The following MDGA2 variants were observed in gnomAD, a reference collection of about 807,000 sequenced individuals.
MDGA2 encodes the protein MAM domain containing glycosylphosphatidylinositol anchor 2.
A neutral mutation model predicts 117.8 loss-of-function variants in MDGA2; 40 were observed. That is an observed-to-expected ratio of 0.34 (90% CI 0.26 to 0.44). The LOEUF is 0.44. Ranked by LOEUF, MDGA2 falls within the 20% of genes least tolerant of loss-of-function variation. The pLI is 1.00. For synonymous variants in MDGA2, 452 were observed against 439.0 expected (o/e 1.03, Z -0.37); for missense variants, 1,123 against 1,250.6 (o/e 0.90, Z 1.54).
At chr14:47,415,372 A>T (rs1193280397) in intron 1 of MDGA2, among the ~76,000 whole-genome samples, 2 of 152,140 alleles carry the variant, frequency 1.3e-5, no homozygotes, top group African/African-American at 2.4e-5. Flanking sequence ...ATATCTACAC[A>T]TATTCACAAG....
intron 6 of MDGA2, among the ~76,000 whole-genome samples, chr14:47,092,095 T>A (rs1879691903): frequency 6.6e-6 from 1 of 152,196 alleles, no homozygotes; most frequent in Admixed American, 6.5e-5. Context: ...AAAGAGGGGC[T>A]ACAGTGGAAA....
At chr14:46,862,418 TTATAA>T (rs1455309403) in intron 14 of MDGA2, among the ~76,000 whole-genome samples, 1 of 148,720 alleles carries the variant, frequency 6.7e-6, no homozygotes, top group African/African-American at 2.4e-5. Flanking sequence ...TTAATATATA[TTATAA>T]TATAAACTAT....
chr14:47,179,400 C>T (rs1003590261), intron 3 of MDGA2, among the ~76,000 whole-genome samples: 16 of 151,980 alleles, frequency 1.1e-4, no homozygotes, highest in Non-Finnish European at 4.4e-5. Flanking sequence ...CAAACATCCT[C>T]ATTTTTTTCA....
chr14:47,101,086 TAG>T (rs1402200947), intron 5 of MDGA2, among the ~76,000 whole-genome samples: 1 of 105,996 alleles, frequency 9.4e-6, no homozygotes, highest in African/African-American at 3.9e-5. Context: ...GATAGATAGA[TAG>T]ATAGATAGAT....
In MDGA2 at chr14:46,845,627, T is replaced by C. The variant is rs548810897; in HGVS notation, c.2989+139A>G. 1,017 of 516,228 alleles carry C rather than the reference T, an allele frequency of 2.0e-3. 5 individuals are homozygous for C. Among genetic ancestry groups the C allele is most frequent in the Middle Eastern group, 9.5e-3 (19 of 1,996 alleles). 32.0% of individuals were successfully genotyped at this position (516,228 alleles called of 1,614,324 possible). ...ACTTTAAAAATAACTGAACAAACTT[T>C]AGGGTATTACATATAAGAAATTTCT... On this transcript the variant is annotated intron_variant, in intron 16 of 16. Transcript: ENST00000399232.
intron 10 of MDGA2, among the ~76,000 whole-genome samples, chr14:46,907,387 C>CA (rs1566518777): frequency 5.3e-5 from 8 of 152,166 alleles, no homozygotes; most frequent in Non-Finnish European, 1.2e-4. Flanking sequence ...ACCTGCTGAT[C>CA]TAATTTGCAA....
chr14:47,275,158 G>A (rs985055834), intron 2 of MDGA2, among the ~76,000 whole-genome samples: 1 of 152,120 alleles, frequency 6.6e-6, no homozygotes, highest in Non-Finnish European at 1.5e-5. Flanking sequence ...TGAATGATGA[G>A]TAAGAAGGAA....
intron 1 of MDGA2, among the ~76,000 whole-genome samples, chr14:47,410,161 C>T (rs1258765347): frequency 1.4e-5 from 2 of 145,552 alleles, no homozygotes; most frequent in Non-Finnish European, 3.0e-5. Flanking sequence ...AGAAGACATG[C>T]CTATAAGTTA....
intron 3 of MDGA2, among the ~76,000 whole-genome samples, chr14:47,217,184 T>C (rs758074307): frequency 3.3e-5 from 5 of 152,042 alleles, no homozygotes; most frequent in Non-Finnish European, 5.9e-5. Context: ...GAAAGGAAGA[T>C]AGGCAGAAAA....
intron 5 of MDGA2, among the ~76,000 whole-genome samples, chr14:47,115,103 A>C (rs1164759299): frequency 6.6e-6 from 1 of 152,046 alleles, no homozygotes; most frequent in African/African-American, 2.4e-5. Context: ...CTCTAGACTA[A>C]AGGGCAGATA....
At chr14:47,538,700 C>T (rs910555663) in intron 1 of MDGA2, among the ~76,000 whole-genome samples, 3 of 152,082 alleles carry the variant, frequency 2.0e-5, no homozygotes. Context: ...ATGTTTCTTT[C>T]TTTTTCTCTC....
intron 11 of MDGA2, among the ~76,000 whole-genome samples, chr14:46,878,801 G>C (rs1882332616): frequency 6.6e-6 from 1 of 151,858 alleles, no homozygotes; most frequent in African/African-American, 2.4e-5. Flanking sequence ...AAAATTATGT[G>C]CTATCTTTCA....
chr14:46,896,966 C>T (rs1883100586), intron 10 of MDGA2, among the ~76,000 whole-genome samples: 1 of 152,124 alleles, frequency 6.6e-6, no homozygotes. Context: ...GGAAGGCCTA[C>T]ATCTTTTCAG....
chr14:47,369,902 C>T (rs984126468), intron 1 of MDGA2, among the ~76,000 whole-genome samples: 1 of 151,866 alleles, frequency 6.6e-6, no homozygotes, highest in Non-Finnish European at 1.5e-5. Context: ...TTTGTATATA[C>T]AAGCTTTTAG....
intron 1 of MDGA2, among the ~76,000 whole-genome samples, chr14:47,335,899 T>C (rs1192083565): frequency 1.3e-5 from 2 of 150,544 alleles, no homozygotes; most frequent in Non-Finnish European, 1.5e-5. Context: ...AGGAGAGAAA[T>C]GGGCAGGAGA....
chr14:47,609,686 G>A (rs979909199), intron 1 of MDGA2, among the ~76,000 whole-genome samples: 1 of 151,250 alleles, frequency 6.6e-6, no homozygotes, highest in Non-Finnish European at 1.5e-5. Flanking sequence ...AGTGGCTGTA[G>A]TAGTTTCCAT....
chr14:46,871,102 G>C (rs545580084), intron 14 of MDGA2: 3 of 151,916 alleles, frequency 2.0e-5, no homozygotes, highest in Non-Finnish European at 4.4e-5. Flanking sequence ...TCCTACATTA[G>C]TAATAATATA....
chr14:47,331,948 A>G (rs1039835531), intron 1 of MDGA2, among the ~76,000 whole-genome samples: 1 of 152,038 alleles, frequency 6.6e-6, no homozygotes, highest in Non-Finnish European at 1.5e-5. Context: ...ACATTTTGGC[A>G]TAAAGAAGTC....
At chr14:47,238,667 GC>G (rs1886945085) in intron 2 of MDGA2, among the ~76,000 whole-genome samples, 1 of 151,566 alleles carries the variant, frequency 6.6e-6, no homozygotes. Flanking sequence ...TCCCAGACGG[GC>G]ATTTACTCAG....
Sources: allele counts gnomAD v4.1 joint callset (sites outside exome capture counted in the v4.1 genomes callset), GRCh38; gene constraint gnomAD v4.1.1; transcripts MANE v1.5; gene names NCBI Gene and HGNC (gene_info 2026-07-23, HGNC 2026-07-21).